NRBP1: variants seen among roughly 807,000 people sequenced by gnomAD.
The protein encoded by NRBP1 is nuclear receptor-binding protein.
Under a neutral mutation model 76.0 loss-of-function variants are expected in NRBP1, and 10 were observed. The ratio of observed to expected loss-of-function variants is 0.13; its 90% CI spans 0.08 to 0.22. The LOEUF (loss-of-function observed/expected upper bound fraction) is 0.22. Ranked by LOEUF, NRBP1 falls within the 10% of genes least tolerant of loss-of-function variation. The probability of loss-of-function intolerance (pLI) is 1.00; values close to 1 mark genes in which losing one functional copy is unlikely to be tolerated. For synonymous variants in NRBP1, 235 were observed against 240.2 expected (o/e 0.98, Z 0.20); for missense variants, 344 against 646.0 (o/e 0.53, Z 5.07).
At chr2:27,440,551 C>A (rs373325714) in intron 12 of NRBP1, 43 bp downstream of exon 12, 23 of 1,596,354 alleles carry the variant, frequency 1.4e-5, no homozygotes, top group Non-Finnish European at 1.9e-5. Flanking sequence ...TTGGTCACGA[C>A]CACTCTTGAG....
At chr2:27,434,270 T>C (rs1006151868) in intron 4 of NRBP1, among the ~76,000 whole-genome samples, 180 bp downstream of exon 4, 3 of 152,218 alleles carry the variant, frequency 2.0e-5, no homozygotes, top group African/African-American at 7.2e-5. Context: ...TGGCTATAGA[T>C]TGGGCAGAAA....
At chr2:27,431,984 G>C (rs188289210) in intron 1 of NRBP1, 3 of 152,366 alleles carry the variant, frequency 2.0e-5, no homozygotes, top group Admixed American at 2.0e-4. Context: ...GAGTAGCTGG[G>C]ACTACAGGTG....
chr2:27,439,221 C>T (rs879413716), intron 10 of NRBP1, among the ~76,000 whole-genome samples: 2 of 152,082 alleles, frequency 1.3e-5, no homozygotes, highest in Non-Finnish European at 2.9e-5. Flanking sequence ...GGCGCGGTGT[C>T]TCATGCCTGT....
intron 10 of NRBP1, among the ~76,000 whole-genome samples, 164 bp from the exon 11 acceptor site, chr2:27,439,601 GT>G (rs1254582955): frequency 6.6e-6 from 1 of 151,000 alleles, no homozygotes; most frequent in Non-Finnish European, 1.5e-5. Flanking sequence ...ATATCTTACA[GT>G]TTTTGAAGCC....
intron 1 of NRBP1, among the ~76,000 whole-genome samples, chr2:27,431,116 C>T (rs570099854): frequency 5.9e-5 from 9 of 152,020 alleles, no homozygotes; most frequent in East Asian, 5.8e-4. Context: ...CTGGCTAACA[C>T]GGTGAAACCC....
chr2:27,439,710 T>G (rs1572694521), intron 10 of NRBP1, 56 bp from the exon 11 acceptor site: 2 of 1,605,566 alleles, frequency 1.2e-6, no homozygotes, highest in Non-Finnish European at 1.7e-6. Flanking sequence ...GCTATAAAGA[T>G]GAACACACTG....
intron 1 of NRBP1, among the ~76,000 whole-genome samples, chr2:27,430,465 TTTTC>T (rs1467896223): frequency 2.6e-5 from 3 of 115,302 alleles, no homozygotes; most frequent in East Asian, 2.0e-4. Flanking sequence ...TTCTTTCTTT[TTTTC>T]TTTTTTTTTT....
intron 10 of NRBP1, among the ~76,000 whole-genome samples, chr2:27,438,098 T>C (rs889232036): frequency 2.0e-5 from 3 of 151,426 alleles, no homozygotes; most frequent in African/African-American, 7.3e-5. Context: ...GAGGCAAGCT[T>C]GAACCCGGGA....
chr2:27,441,266 G>A lies in NRBP1; in HGVS notation c.1384-1G>A. 1 of 1,614,126 alleles carries A rather than the reference G, an allele frequency of 6.2e-7. No homozygotes were observed. The highest frequency in any genetic ancestry group is 8.5e-7 in the Non-Finnish European group (1 of 1,180,010). ...CATTTTCTGACTGTCCTATTCTCCA[G>A]CTGACACTTCTGCTGAAGTTGGAGG... On this transcript the variant is annotated splice_acceptor_variant, in intron 15 of 17. Transcript: ENST00000379852. LOFTEE classifies it high-confidence loss of function.
Position 27,434,468 on chromosome 2 carries a change from C to T in NRBP1, c.436-3C>T, listed in dbSNP as rs55665451. The T allele has an allele frequency of 6.2e-3, 9,948 of 1,610,548 alleles. 40 individuals are homozygous for T. The highest frequency in any genetic ancestry group is 7.2e-3 in the Non-Finnish European group (8,460 of 1,176,904). On this transcript the variant is annotated splice_region_variant and splice_polypyrimidine_tract_variant and intron_variant, in intron 4 of 17. Transcript: ENST00000379852. ...CCTTTTAGTAAGTGCTTTGCCTCCC[C>T]AGGTCATTTTTATCACAGAATACAT...
chr2:27,440,016 T>A, intron 11 of NRBP1, 118 bp downstream of exon 11: 18 of 345,404 alleles, frequency 5.2e-5, no homozygotes, highest in Non-Finnish European at 7.3e-5. Context: ...TTTTTTTTTT[T>A]TTTTTTTTTT....
chr2:27,439,836 C>T lies in NRBP1; in HGVS notation c.974C>T (p.Pro325Leu), dbSNP rs1357154706. ...ACAGCCAGAGAACTTCTGTTCCACC[C>T]AGCATTGTTTGAAGTGCCCTCGCTC... ...RPTARELLFH[P>L]ALFEVPSLKL... Residue 325 changes from proline to leucine, a missense_variant, in exon 11 of 18, where the codon CCA becomes CTA. Around this residue, in one of 3 missense-constraint regions of NRBP1, gnomAD observed 218 missense variants for 309.8 expected, o/e 0.70. Transcript: ENST00000379852. 1.2e-6 allele frequency: 2 copies of T among 1,614,140 alleles called. No individual in the cohort carries two copies. The highest frequency in any genetic ancestry group is 1.7e-6 in the Non-Finnish European group (2 of 1,180,008).
intron 1 of NRBP1, among the ~76,000 whole-genome samples, chr2:27,431,247 C>T (rs907530506): frequency 1.3e-5 from 2 of 152,148 alleles, no homozygotes; most frequent in African/African-American, 4.8e-5. Flanking sequence ...TTGCAGTGAG[C>T]CGAGATTGCA....
chr2:27,436,633 C>T (rs557826801), intron 7 of NRBP1, 120 bp from the exon 8 acceptor site: 125 of 767,386 alleles, frequency 1.6e-4, no homozygotes, highest in South Asian at 1.2e-3. Flanking sequence ...ATGTTTGTGC[C>T]TGTTGAGGGT....
upstream of NRBP1, chr2:27,428,251 G>A (rs777522570): frequency 6.1e-6 from 1 of 165,048 alleles, no homozygotes; most frequent in Non-Finnish European, 1.3e-5. Flanking sequence ...TAATGCAGGC[G>A]GGGGCTGGGG....
chr2:27,428,459 G>C (rs561860892), upstream of NRBP1: 2 of 391,526 alleles, frequency 5.1e-6, no homozygotes, highest in East Asian at 3.6e-5. Context: ...CGACCCCTCC[G>C]AGAGGTCTCG....
chr2:27,430,556 C>T (rs1238346306), intron 1 of NRBP1, among the ~76,000 whole-genome samples: 2 of 151,560 alleles, frequency 1.3e-5, no homozygotes, highest in Admixed American at 6.6e-5. Context: ...GCAACCTCCG[C>T]CTCCTGAGTT....
At chr2:27,428,429 C>T (rs1403478841), upstream of NRBP1, 2 of 382,710 alleles carry the variant, frequency 5.2e-6, no homozygotes, top group Non-Finnish European at 4.6e-6. Context: ...GAGACGAGCC[C>T]CAGCTGGGAC....
chr2:27,432,439 G>A (rs1023853563), intron 1 of NRBP1, among the ~76,000 whole-genome samples: 7 of 152,176 alleles, frequency 4.6e-5, no homozygotes, highest in Admixed American at 2.6e-4. Context: ...CAAAGGTGGT[G>A]TGTGTTTTCT....
Sources: gnomAD v4.1 joint callset for allele counts (sites outside exome capture counted in the v4.1 genomes callset) on GRCh38, gnomAD v4.1.1 for gene constraint, gnomAD v4.1.1 regional missense constraint, MANE v1.5 for transcripts, NCBI Gene and HGNC (gene_info 2026-07-23, HGNC 2026-07-21) for gene names.